TPTE2: variants seen among roughly 807,000 people sequenced by gnomAD.
TPTE2 encodes transmembrane phosphoinositide 3-phosphatase and tensin homolog 2.
In TPTE2, 53 loss-of-function variants were observed where a neutral mutation model predicts 78.6. The ratio of observed to expected loss-of-function variants is 0.67; its 90% CI spans 0.54 to 0.85. TPTE2 has a LOEUF of 0.85. TPTE2 is among the 40% of genes least tolerant of loss of function. The pLI, the probability that TPTE2 is intolerant of heterozygous loss-of-function variation, is 0.00. For missense variants in TPTE2, 461 were observed against 623.0 expected, an observed-to-expected ratio of 0.74 and a Z score of 2.77; for synonymous variants, 175 against 206.2, an observed-to-expected ratio of 0.85 and a Z score of 1.30.
intron 1 of TPTE2, among the ~76,000 whole-genome samples, chr13:19,526,632 A>C (rs1017864356): frequency 6.6e-6 from 1 of 152,200 alleles, no homozygotes; most frequent in Non-Finnish European, 1.5e-5. Context: ...TTATCACCTG[A>C]GTGACAAAAC....
At chr13:19,445,600 C>A (rs1370129610) in intron 13 of TPTE2, among the ~76,000 whole-genome samples, 1 of 152,196 alleles carries the variant, frequency 6.6e-6, no homozygotes, top group Non-Finnish European at 1.5e-5. Flanking sequence ...GGTATACACT[C>A]AACAAAAATG....
chr13:19,515,285 G>A (rs1035271255), intron 1 of TPTE2, among the ~76,000 whole-genome samples: 2 of 152,062 alleles, frequency 1.3e-5, no homozygotes, highest in African/African-American at 2.4e-5. Context: ...AGTGTGCTGA[G>A]GTTTCTTAAC....
At chr13:19,512,020 T>A (rs185376459) in intron 1 of TPTE2, among the ~76,000 whole-genome samples, 5 of 152,222 alleles carry the variant, frequency 3.3e-5, no homozygotes, top group Non-Finnish European at 5.9e-5. Flanking sequence ...AAAGTGGATA[T>A]TAATTAGAAA....
chr13:19,483,088 T>A (rs1178302012), intron 3 of TPTE2, among the ~76,000 whole-genome samples: 1 of 152,260 alleles, frequency 6.6e-6, no homozygotes, highest in East Asian at 1.9e-4. Context: ...ATGCTAATGA[T>A]CACCTAAGCC....
upstream of TPTE2, among the ~76,000 whole-genome samples, chr13:19,538,125 T>C (rs541047264): frequency 2.6e-5 from 4 of 152,368 alleles, no homozygotes; most frequent in East Asian, 7.7e-4. Context: ...TTCTAAATTT[T>C]AACATAGTCA....
At chr13:19,445,496 G>A (rs1360434514) in intron 13 of TPTE2, among the ~76,000 whole-genome samples, 2 of 152,102 alleles carry the variant, frequency 1.3e-5, no homozygotes, top group African/African-American at 2.4e-5. Flanking sequence ...AATACCAGTG[G>A]AGTAAAAATT....
chr13:19,523,836 A>G (rs570139897), intron 1 of TPTE2, among the ~76,000 whole-genome samples: 1 of 152,298 alleles, frequency 6.6e-6, no homozygotes, highest in Admixed American at 6.5e-5. Flanking sequence ...ATGATTACAC[A>G]CATGCACACA....
At position 19,528,319 on chromosome 13, in the gene TPTE2, G is replaced by A. The variant is rs182839779; in HGVS notation, c.-44+8277C>T. Among the ~76,000 whole-genome samples, 1,020 of 151,742 alleles carry A rather than the reference G, an allele frequency of 6.7e-3. 9 individuals carry two copies. The highest frequency in any genetic ancestry group is 0.022 in the African/African-American group (896 of 41,344). ...GGAGAATCGCTTGAATCCAAGAGGC[G>A]GAGGCTGCAGTGAGCTGAGATTGCA... On this transcript the variant is annotated intron_variant, in intron 1 of 17. Coordinates refer to the TPTE2 transcript ENST00000390680.
intron 3 of TPTE2, among the ~76,000 whole-genome samples, chr13:19,485,658 C>A (rs547265285): frequency 6.6e-6 from 1 of 152,112 alleles, no homozygotes; most frequent in East Asian, 1.9e-4. Context: ...TCTGGAATGC[C>A]CATAATATGA....
At chr13:19,490,415 T>C (rs1435546543) in intron 3 of TPTE2, among the ~76,000 whole-genome samples, 1 of 152,212 alleles carries the variant, frequency 6.6e-6, no homozygotes, top group Non-Finnish European at 1.5e-5. Context: ...CTTTGAAACA[T>C]GGTGTTTAAT....
chr13:19,513,711 T>TAAA (rs1869608485), intron 1 of TPTE2, among the ~76,000 whole-genome samples: 1 of 152,188 alleles, frequency 6.6e-6, no homozygotes, highest in African/African-American at 2.4e-5. Flanking sequence ...GTGTTGGTAA[T>TAAA]AAAAATTGTT....
chr13:19,489,957 C>T (rs61956993), intron 3 of TPTE2, among the ~76,000 whole-genome samples: 14,718 of 152,032 alleles, frequency 0.097, 777 homozygotes, highest in Middle Eastern at 0.2. Context: ...CAGAGACATA[C>T]TTTTCTGGTT....
intron 10 of TPTE2, among the ~76,000 whole-genome samples, chr13:19,453,642 T>C (rs1878348530): frequency 6.6e-6 from 1 of 151,218 alleles, no homozygotes; most frequent in Non-Finnish European, 1.5e-5. Context: ...ATACCTCTTA[T>C]CCAAATTAGG....
chr13:19,553,003 G>A, the TPTE2 span, among the ~76,000 whole-genome samples: 1 of 151,300 alleles, frequency 6.6e-6, no homozygotes, highest in Non-Finnish European at 1.5e-5. Context: ...GAATGTGAAT[G>A]TTTTTTGTAC....
At chr13:19,450,825 C>A (rs1878128223) in intron 11 of TPTE2, among the ~76,000 whole-genome samples, 1 of 152,134 alleles carries the variant, frequency 6.6e-6, no homozygotes. Flanking sequence ...TCAGAGGGCT[C>A]ATTTGTTAAA....
intron 6 of TPTE2, among the ~76,000 whole-genome samples, chr13:19,469,571 A>G (rs371671480): frequency 2.0e-5 from 3 of 152,278 alleles, no homozygotes; most frequent in African/African-American, 7.2e-5. Flanking sequence ...AATGTCATTC[A>G]TATTTTGACA....
At chr13:19,507,953 A>G (rs1869181639), upstream of TPTE2, among the ~76,000 whole-genome samples, 1 of 151,874 alleles carries the variant, frequency 6.6e-6, no homozygotes, top group Non-Finnish European at 1.5e-5. Context: ...GCACTATTAA[A>G]CTCTGTTAAA....
chr13:19,527,968 G>A (rs1188773718), intron 1 of TPTE2, among the ~76,000 whole-genome samples: 5 of 152,222 alleles, frequency 3.3e-5, no homozygotes, highest in Non-Finnish European at 7.3e-5. Flanking sequence ...CAGTCCTGAT[G>A]TTTCCAAGGC....
intron 1 of TPTE2, among the ~76,000 whole-genome samples, chr13:19,523,166 T>C (rs1870276201): frequency 6.6e-6 from 1 of 152,188 alleles, no homozygotes; most frequent in Non-Finnish European, 1.5e-5. Context: ...CCCCATTTTG[T>C]TCCTTTCTAT....
Sources: gnomAD v4.1 joint callset for allele counts (sites outside exome capture counted in the v4.1 genomes callset) on GRCh38, gnomAD v4.1.1 for gene constraint, MANE v1.5 for transcripts, NCBI Gene and HGNC (gene_info 2026-07-23, HGNC 2026-07-21) for gene names.